Variants in SMARCC1 observed in about 807,000 individuals in gnomAD.
The protein encoded by SMARCC1 is SWI/SNF related BAF chromatin remodeling complex subunit C1, also known as SWI/SNF complex subunit SMARCC1.
Under a neutral mutation model 147.4 loss-of-function variants are expected in SMARCC1, and 43 were observed. The ratio of observed to expected loss-of-function variants is 0.29; its 90% CI spans 0.23 to 0.38. SMARCC1 has a LOEUF of 0.38. Among genes scored for constraint, SMARCC1 ranks in the 10% least tolerant of loss-of-function variants. The pLI is 1.00. For missense variants in SMARCC1, 1,119 were observed against 1,381.1 expected, an observed-to-expected ratio of 0.81 and a Z score of 3.01; for synonymous variants, 495 against 484.4, an observed-to-expected ratio of 1.02 and a Z score of -0.29.
At position 47,587,928 on chromosome 3, in the gene SMARCC1, G is replaced by A; in HGVS notation, c.*281C>T. On this transcript the variant is annotated 3_prime_UTR_variant, in exon 28 of 28. Coordinates refer to ENST00000254480, the MANE Select transcript of SMARCC1 (RefSeq NM_003074.4). The stretch of plus-strand genomic sequence containing the variant: ...AGTTGACAGGACCTGCAGAGAAACT[G>A]TCAGCTTACTCCCACACCAGGACAG... 2.4e-6 allele frequency: 1 copy of A among 420,830 alleles called. No individual in the cohort carries two copies. Among genetic ancestry groups the A allele is most frequent in the Admixed American group, 4.2e-5 (1 of 23,678 alleles). The allele number at this position is 420,830 out of a possible 1,614,324, so 26.1% of individuals were successfully genotyped here.
intron 21 of SMARCC1, among the ~76,000 whole-genome samples, chr3:47,650,920 AAT>A (rs1338201235): frequency 2.0e-5 from 3 of 152,334 alleles, no homozygotes; most frequent in Admixed American, 6.5e-5. Flanking sequence ...TTGAAAATCA[AAT>A]ATGTTATCTG....
chr3:47,776,768 T>C (rs2034979860), intron 1 of SMARCC1, among the ~76,000 whole-genome samples: 1 of 151,738 alleles, frequency 6.6e-6, no homozygotes, highest in African/African-American at 2.4e-5. Flanking sequence ...TAGATGTAAA[T>C]ATATATATAT....
chr3:47,745,128 C>T (rs1189657570), intron 3 of SMARCC1, among the ~76,000 whole-genome samples: 1 of 152,016 alleles, frequency 6.6e-6, no homozygotes, highest in Non-Finnish European at 1.5e-5. Flanking sequence ...ATTAGCTGGG[C>T]ATGTGGTGGC....
chr3:47,600,839 G>A (rs1396935070), intron 26 of SMARCC1, among the ~76,000 whole-genome samples: 1 of 151,922 alleles, frequency 6.6e-6, no homozygotes, highest in Non-Finnish European at 1.5e-5. Flanking sequence ...AACAGTGTCT[G>A]CATTTCCATT....
At chr3:47,775,299 T>C (rs1215760671) in intron 1 of SMARCC1, among the ~76,000 whole-genome samples, 1 of 150,754 alleles carries the variant, frequency 6.6e-6, no homozygotes, top group African/African-American at 2.4e-5. Flanking sequence ...TAGCTGGGAC[T>C]ACAGGCGCCC....
intron 26 of SMARCC1, among the ~76,000 whole-genome samples, chr3:47,595,377 A>T (rs1290227857): frequency 6.6e-6 from 1 of 152,034 alleles, no homozygotes; most frequent in African/African-American, 2.4e-5. Flanking sequence ...ATACAAAAAA[A>T]TTAGCGAGAT....
intron 26 of SMARCC1, among the ~76,000 whole-genome samples, chr3:47,598,706 T>C (rs1314907490): frequency 1.3e-5 from 2 of 151,388 alleles, no homozygotes; most frequent in Non-Finnish European, 2.9e-5. Flanking sequence ...GGTATATGCC[T>C]GTGGTCACAG....
chr3:47,755,906 C>T (rs953369777), intron 2 of SMARCC1, among the ~76,000 whole-genome samples: 2 of 144,190 alleles, frequency 1.4e-5, no homozygotes, highest in Non-Finnish European at 3.0e-5. Flanking sequence ...AAGGGAATCG[C>T]TTGAATCCGG....
chr3:47,651,174 C>T (rs1303950519), intron 21 of SMARCC1, among the ~76,000 whole-genome samples: 1 of 152,000 alleles, frequency 6.6e-6, no homozygotes, highest in Non-Finnish European at 1.5e-5. Flanking sequence ...TGTGGTGATG[C>T]ACCCCTGTGG....
At chr3:47,750,152 T>C (rs2034613459) in intron 2 of SMARCC1, among the ~76,000 whole-genome samples, 1 of 150,444 alleles carries the variant, frequency 6.6e-6, no homozygotes, top group Admixed American at 6.6e-5. Context: ...TAGACTAATG[T>C]AGGCTGGGCG....
chr3:47,764,727 A>G (rs2034815903), intron 2 of SMARCC1, among the ~76,000 whole-genome samples: 1 of 152,326 alleles, frequency 6.6e-6, no homozygotes, highest in Admixed American at 6.5e-5. Context: ...GAAGCTAGCT[A>G]ACTAGATTTT....
intron 24 of SMARCC1, among the ~76,000 whole-genome samples, chr3:47,627,906 A>AC (rs2032835403): frequency 6.6e-6 from 1 of 151,932 alleles, no homozygotes; most frequent in South Asian, 2.1e-4. Flanking sequence ...AACTTTTTGT[A>AC]GAGACATGAT....
At chr3:47,683,773 G>A (rs1361637386) in intron 14 of SMARCC1, among the ~76,000 whole-genome samples, 1 of 151,912 alleles carries the variant, frequency 6.6e-6, no homozygotes, top group African/African-American at 2.4e-5. Context: ...GGCAGCATCA[G>A]CAATGTAGAC....
At chr3:47,770,912 T>G (rs1443498390) in intron 2 of SMARCC1, among the ~76,000 whole-genome samples, 1 of 152,110 alleles carries the variant, frequency 6.6e-6, no homozygotes, top group African/African-American at 2.4e-5. Flanking sequence ...AAAATTTTAT[T>G]TATTTATTTA....
At position 47,781,584 on chromosome 3, in the gene SMARCC1, C is replaced by G; in HGVS notation, c.195+19G>C. On this transcript the variant is annotated intron_variant, in intron 1 of 27. Coordinates refer to ENST00000254480, the MANE Select transcript of SMARCC1 (RefSeq NM_003074.4). ...CCCGGTCGCGTGGTCTCCCGGCCCC[C>G]ACGGGCGCGCGAACCCACCTTCTTG... 6.6e-7 allele frequency: 1 copy of G among 1,509,156 alleles called. No homozygotes were observed. Among genetic ancestry groups the G allele is most frequent in the Non-Finnish European group, 8.8e-7 (1 of 1,132,746 alleles). The allele number at this position is 1,509,156 out of a possible 1,614,324, so 93.5% of individuals were successfully genotyped here.
intron 2 of SMARCC1, among the ~76,000 whole-genome samples, chr3:47,770,980 G>T (rs1341317567): frequency 6.6e-6 from 1 of 151,980 alleles, no homozygotes; most frequent in Admixed American, 6.6e-5. Flanking sequence ...GCGCAATCTC[G>T]GCTCACTGCA....
chr3:47,675,913 C>T (rs2033565731), intron 17 of SMARCC1, among the ~76,000 whole-genome samples: 1 of 151,560 alleles, frequency 6.6e-6, no homozygotes. Flanking sequence ...CCACTGCACT[C>T]CAGCCGGGGG....
intron 11 of SMARCC1, among the ~76,000 whole-genome samples, chr3:47,694,905 A>G (rs1163198609): frequency 6.6e-6 from 1 of 152,188 alleles, no homozygotes; most frequent in Non-Finnish European, 1.5e-5. Context: ...TTCTTTATAC[A>G]TTTTTAGGAT....
chr3:47,586,631 C>CG lies in SMARCC1; in HGVS notation c.*1577_*1578insC, dbSNP rs1344637322. The CG allele has an allele frequency of 6.6e-6, 1 of 152,622 alleles. No individual in the cohort carries two copies. The allele number at this position is 152,622 out of a possible 1,614,324, so 9.5% of individuals were successfully genotyped here. ...AAAAAGTTCTCAAGTGTTTTATAAA[C>CG]ACCTCCCTATACCCTCTCATATGTA... On this transcript the variant is annotated 3_prime_UTR_variant, in exon 28 of 28. Coordinates refer to ENST00000254480, the MANE Select transcript of SMARCC1 (RefSeq NM_003074.4).
Sources: gnomAD v4.1 joint callset for allele counts (sites outside exome capture counted in the v4.1 genomes callset) on GRCh38, gnomAD v4.1.1 for gene constraint, MANE v1.5 for transcripts, NCBI Gene and HGNC (gene_info 2026-07-23, HGNC 2026-07-21) for gene names.